Variants in UTS2 observed in about 807,000 individuals in gnomAD.
UTS2 encodes the protein urotensin 2, also known as urotensin-2.
Under a neutral mutation model 12.6 loss-of-function variants are expected in UTS2, and 10 were observed. The observed-to-expected ratio is 0.80, with a 90% CI of 0.49 to 1.35. UTS2 has a LOEUF of 1.35. Ranked by LOEUF, UTS2 falls within the 40% of genes most tolerant of loss-of-function variation. The pLI is 0.00. For synonymous variants in UTS2, 52 were observed against 50.0 expected (o/e 1.04, Z -0.17); for missense variants, 142 against 143.2 (o/e 0.99, Z 0.04).
chr1:7,864,023 G>A, the UTS2 span, among the ~76,000 whole-genome samples: 3 of 152,230 alleles, frequency 2.0e-5, no homozygotes, highest in African/African-American at 7.2e-5. Flanking sequence ...GGCAAGAGTG[G>A]AAGCGTCAGC....
At chr1:7,891,387 G>A in the UTS2 span, among the ~76,000 whole-genome samples, 1,074 of 152,108 alleles carry the variant, frequency 7.1e-3, 5 homozygotes, top group South Asian at 0.042. Context: ...TTAGCCAGGC[G>A]TGGTGGTGGG....
the UTS2 span, among the ~76,000 whole-genome samples, chr1:7,875,716 GGAT>G: frequency 2.6e-5 from 4 of 152,194 alleles, no homozygotes; most frequent in East Asian, 7.7e-4. Context: ...AGGGGACTGA[GGAT>G]GATCCACTTT....
the UTS2 span, among the ~76,000 whole-genome samples, chr1:7,876,876 A>G: frequency 1.3e-5 from 2 of 152,186 alleles, no homozygotes; most frequent in South Asian, 4.1e-4. Context: ...TCACACCTGT[A>G]ATCCCAGCAC....
the UTS2 span, among the ~76,000 whole-genome samples, chr1:7,878,412 A>G: frequency 6.6e-6 from 1 of 152,352 alleles, no homozygotes; most frequent in Non-Finnish European, 1.5e-5. Context: ...ACTACAGAAA[A>G]CAACCAAACT....
chr1:7,855,015 G>C (rs1297288169), upstream of UTS2, among the ~76,000 whole-genome samples: 1 of 151,982 alleles, frequency 6.6e-6, no homozygotes, highest in Non-Finnish European at 1.5e-5. Context: ...ACAAAAATTA[G>C]CTGGGCGTGG....
chr1:7,872,311 A>AAC, the UTS2 span, among the ~76,000 whole-genome samples: 1 of 148,384 alleles, frequency 6.7e-6, no homozygotes, highest in African/African-American at 2.5e-5. Context: ...AAAAAAAAAA[A>AAC]AAAAAAAAGG....
chr1:7,910,467 T>C, the UTS2 span, among the ~76,000 whole-genome samples: 11,021 of 152,150 alleles, frequency 0.072, 1,341 homozygotes, highest in African/African-American at 0.25. Flanking sequence ...CTCAGTCCAC[T>C]AGCATCAGAT....
chr1:7,862,645 G>T, the UTS2 span, among the ~76,000 whole-genome samples: 2 of 152,106 alleles, frequency 1.3e-5, no homozygotes, highest in African/African-American at 4.8e-5. Context: ...AAGCAAGAGA[G>T]AGACAGGAGG....
chr1:7,909,820 A>C, the UTS2 span, among the ~76,000 whole-genome samples: 1 of 151,824 alleles, frequency 6.6e-6, no homozygotes, highest in East Asian at 2.0e-4. Flanking sequence ...CGAGGTTTCA[A>C]CATGTTGGCC....
At chr1:7,867,113 G>A in the UTS2 span, among the ~76,000 whole-genome samples, 55 of 152,140 alleles carry the variant, frequency 3.6e-4, no homozygotes, top group Non-Finnish European at 5.4e-4. Context: ...CAGGTGATCC[G>A]CCCGCCTCGG....
At chr1:7,895,519 G>GA in the UTS2 span, among the ~76,000 whole-genome samples, 24 of 152,152 alleles carry the variant, frequency 1.6e-4, no homozygotes, top group African/African-American at 5.6e-4. Flanking sequence ...TCTCAGGACT[G>GA]AAAATCTCAG....
chr1:7,903,747 A>G, the UTS2 span, among the ~76,000 whole-genome samples: 1 of 152,158 alleles, frequency 6.6e-6, no homozygotes, highest in Non-Finnish European at 1.5e-5. Context: ...GCAGGAGTAG[A>G]AGCTTGCACA....
chr1:7,856,407 C>T (rs950746322), upstream of UTS2, among the ~76,000 whole-genome samples: 2 of 152,150 alleles, frequency 1.3e-5, no homozygotes, highest in Non-Finnish European at 2.9e-5. Context: ...ACAGGGCCCT[C>T]GGGATGCCCT....
chr1:7,856,295 GACA>G (rs1381791800), upstream of UTS2, among the ~76,000 whole-genome samples: 1 of 152,230 alleles, frequency 6.6e-6, no homozygotes, highest in Non-Finnish European at 1.5e-5. Context: ...GGAGGCGATA[GACA>G]ACAACATTAA....
the UTS2 span, among the ~76,000 whole-genome samples, chr1:7,911,506 C>A: frequency 6.6e-6 from 1 of 152,118 alleles, no homozygotes; most frequent in Non-Finnish European, 1.5e-5. Context: ...TGCCTAAGGA[C>A]CCTCTGCTAC....
At chr1:7,851,995 T>C (rs1024098552) in intron 1 of UTS2, among the ~76,000 whole-genome samples, 3 of 152,122 alleles carry the variant, frequency 2.0e-5, no homozygotes, top group African/African-American at 7.2e-5. Flanking sequence ...ATGCCAGTGT[T>C]TAACTATTAG....
chr1:7,907,357 T>G, the UTS2 span, among the ~76,000 whole-genome samples: 15 of 148,872 alleles, frequency 1.0e-4, no homozygotes, highest in African/African-American at 3.7e-4. Context: ...TGTCAAGAAA[T>G]CAGGTTATGC....
chr1:7,880,357 T>C, the UTS2 span, among the ~76,000 whole-genome samples: 4 of 145,584 alleles, frequency 2.7e-5, no homozygotes, highest in South Asian at 4.3e-4. Context: ...AAAGCCGAAA[T>C]GTGACTTTTT....
At chr1:7,893,251 G>A in the UTS2 span, among the ~76,000 whole-genome samples, 1 of 152,234 alleles carries the variant, frequency 6.6e-6, no homozygotes, top group Non-Finnish European at 1.5e-5. Flanking sequence ...AGTGGCTCAC[G>A]CCTGTAATAC....
Sources: allele counts gnomAD v4.1 joint callset (sites outside exome capture counted in the v4.1 genomes callset), GRCh38; gene constraint gnomAD v4.1.1; transcripts MANE v1.5; gene names NCBI Gene and HGNC (gene_info 2026-07-23, HGNC 2026-07-21).